The following NEDD9 variants were observed in gnomAD, a reference collection of about 807,000 sequenced individuals.
The protein encoded by NEDD9 is enhancer of filamentation 1.
Under a neutral mutation model 76.6 loss-of-function variants are expected in NEDD9, and 26 were observed. That is an observed-to-expected ratio of 0.34 (90% CI 0.25 to 0.47). The LOEUF (loss-of-function observed/expected upper bound fraction) is 0.47. Ranked by LOEUF, NEDD9 falls within the 20% of genes least tolerant of loss-of-function variation. The pLI, the probability that NEDD9 is intolerant of heterozygous loss-of-function variation, is 1.00. For synonymous variants in NEDD9, 392 were observed against 414.2 expected (o/e 0.95, Z 0.65); for missense variants, 937 against 1,058.5 (o/e 0.89, Z 1.59).
At chr6:11,288,429 G>A (rs1456985290) in intron 3 of NEDD9, among the ~76,000 whole-genome samples, 3 of 152,238 alleles carry the variant, frequency 2.0e-5, no homozygotes, top group African/African-American at 7.2e-5. Context: ...GTCTCACTAT[G>A]TGAGGAGCCA....
intron 3 of NEDD9, among the ~76,000 whole-genome samples, chr6:11,272,867 A>G (rs1400357674): frequency 1.3e-5 from 2 of 152,012 alleles, no homozygotes; most frequent in East Asian, 1.9e-4. Flanking sequence ...ACCCATACAG[A>G]TATTGGGTGG....
At chr6:11,329,849 C>A (rs112298834) in intron 2 of NEDD9, among the ~76,000 whole-genome samples, 169 of 152,282 alleles carry the variant, frequency 1.1e-3, no homozygotes, top group Non-Finnish European at 1.7e-3. Context: ...ATCCCCACCC[C>A]CAACAAAGAA....
chr6:11,319,561 C>G (rs1428105445), intron 2 of NEDD9, among the ~76,000 whole-genome samples: 6 of 114,582 alleles, frequency 5.2e-5, no homozygotes, highest in African/African-American at 3.1e-4. Flanking sequence ...AACATGCGGA[C>G]ACACACACTA....
chr6:11,323,221 C>G (rs1761850291), intron 2 of NEDD9, among the ~76,000 whole-genome samples: 1 of 152,232 alleles, frequency 6.6e-6, no homozygotes, highest in South Asian at 2.1e-4. Context: ...TGATCTAACT[C>G]TCTTTGGATG....
At chr6:11,264,516 C>T (rs1415400014) in intron 3 of NEDD9, among the ~76,000 whole-genome samples, 1 of 152,158 alleles carries the variant, frequency 6.6e-6, no homozygotes, top group African/African-American at 2.4e-5. Flanking sequence ...AATCAAACCT[C>T]AAGGAACACA....
chr6:11,349,505 G>A (rs1031868728), intron 1 of NEDD9, among the ~76,000 whole-genome samples: 3 of 152,148 alleles, frequency 2.0e-5, no homozygotes, highest in Non-Finnish European at 2.9e-5. Flanking sequence ...CAATAGCCAA[G>A]ACATGGAATC....
intron 6 of NEDD9, 112 bp from the exon 7 acceptor site, chr6:11,185,783 A>G: frequency 7.8e-7 from 1 of 1,275,116 alleles, no homozygotes; most frequent in Non-Finnish European, 1.1e-6. Flanking sequence ...TAACTGTCAG[A>G]TGCATGTGAG....
chr6:11,310,656 T>C (rs1417831050), intron 2 of NEDD9, among the ~76,000 whole-genome samples: 1 of 152,190 alleles, frequency 6.6e-6, no homozygotes. Context: ...CAATGCTACA[T>C]TGAATGGGGC....
intron 1 of NEDD9, among the ~76,000 whole-genome samples, chr6:11,215,941 C>A (rs901974871): frequency 6.6e-6 from 1 of 152,218 alleles, no homozygotes. Flanking sequence ...AAGTGGAGCA[C>A]CGGAGCATGC....
intron 1 of NEDD9, among the ~76,000 whole-genome samples, chr6:11,356,132 A>G (rs1007528870): frequency 3.9e-5 from 6 of 152,150 alleles, no homozygotes; most frequent in East Asian, 1.9e-4. Context: ...ATGTGTTTCA[A>G]TTGAGATCTG....
chr6:11,304,627 T>C (rs1278522638), intron 3 of NEDD9, among the ~76,000 whole-genome samples: 1 of 152,150 alleles, frequency 6.6e-6, no homozygotes, highest in Non-Finnish European at 1.5e-5. Flanking sequence ...TATGCAGTCA[T>C]AAAAAAGGAT....
chr6:11,224,374 T>C (rs1759242507), intron 1 of NEDD9, among the ~76,000 whole-genome samples: 1 of 152,182 alleles, frequency 6.6e-6, no homozygotes, highest in Admixed American at 6.5e-5. Flanking sequence ...TCATTTCTGC[T>C]ATTCCCTTCC....
chr6:11,289,485 C>G (rs1179866936), intron 3 of NEDD9, among the ~76,000 whole-genome samples: 2 of 152,154 alleles, frequency 1.3e-5, no homozygotes, highest in Non-Finnish European at 2.9e-5. Context: ...TGGAGTCTCG[C>G]TATTTCGCCC....
intron 1 of NEDD9, among the ~76,000 whole-genome samples, chr6:11,226,100 A>G (rs1218149405): frequency 6.6e-6 from 1 of 152,212 alleles, no homozygotes; most frequent in Non-Finnish European, 1.5e-5. Flanking sequence ...TTATCTTAAA[A>G]TGCAGATTGT....
intron 2 of NEDD9, among the ~76,000 whole-genome samples, chr6:11,204,719 C>CAAAAAAA (rs58621043): frequency 6.1e-5 from 4 of 65,324 alleles, no homozygotes; most frequent in African/African-American, 2.0e-4. Flanking sequence ...GGGTCCGTCT[C>CAAAAAAA]AAAAAAAAAA....
At chr6:11,361,610 A>G (rs1346404924) in intron 1 of NEDD9, among the ~76,000 whole-genome samples, 2 of 152,188 alleles carry the variant, frequency 1.3e-5, no homozygotes, top group Non-Finnish European at 2.9e-5. Flanking sequence ...TGGAGATTAC[A>G]ATTCAACATG....
At chr6:11,195,823 C>A (rs1052853686) in intron 2 of NEDD9, among the ~76,000 whole-genome samples, 1 of 152,054 alleles carries the variant, frequency 6.6e-6, no homozygotes, top group African/African-American at 2.4e-5. Flanking sequence ...GGTGAAACTC[C>A]GTCTTTACTA....
chr6:11,224,684 A>G (rs1207801628), intron 1 of NEDD9, among the ~76,000 whole-genome samples: 2 of 152,152 alleles, frequency 1.3e-5, no homozygotes, highest in African/African-American at 4.8e-5. Flanking sequence ...ACTCAGAAGT[A>G]GCTGGAGTGT....
chr6:11,266,379 C>T (rs1032027386), intron 3 of NEDD9, among the ~76,000 whole-genome samples: 10 of 151,984 alleles, frequency 6.6e-5, no homozygotes, highest in South Asian at 2.1e-4. Context: ...TGCTGCCAAA[C>T]GTATTACAAT....
Sources: allele counts gnomAD v4.1 joint callset (sites outside exome capture counted in the v4.1 genomes callset), GRCh38; gene constraint gnomAD v4.1.1; transcripts MANE v1.5; gene names NCBI Gene and HGNC (gene_info 2026-07-23, HGNC 2026-07-21).